Variants in KCNG3 observed in about 807,000 individuals in gnomAD.
KCNG3 encodes the protein potassium voltage-gated channel modifier subfamily G member 3.
KCNG3 carries 15 observed loss-of-function variants against 29.0 expected under a neutral mutation model. The observed-to-expected ratio is 0.52, with a 90% confidence interval of 0.35 to 0.80. KCNG3 has a LOEUF of 0.80. Ranked by LOEUF, KCNG3 falls within the 30% of genes least tolerant of loss-of-function variation. KCNG3 has a pLI of 0.01. For synonymous variants in KCNG3, 322 were observed against 248.9 expected (o/e 1.29, Z -2.76); for missense variants, 512 against 605.7 (o/e 0.85, Z 1.62).
At chr2:42,469,953 T>C in intron 1 of KCNG3, 1 of 388,570 alleles carries the variant, frequency 2.6e-6, no homozygotes, top group Non-Finnish European at 4.7e-6. Context: ...GCCTGACTCC[T>C]TCACAAACCG....
rs138566015 is a variant in KCNG3 at position 42,484,293 on chromosome 2, C to G, written c.665+8544G>C. Among the ~76,000 whole-genome samples the G allele has an allele frequency of 1.7e-3, 259 of 152,168 alleles. 6 individuals are homozygous for G. The East Asian group carries it at 0.039, about 23-fold the overall frequency. The stretch of plus-strand genomic sequence containing the variant: ...CCTGGCCAACATGGTGAAACTCCAT[C>G]TCTATTAAAAATACAAAAATTAGCT... On this transcript the variant is annotated intron_variant, in intron 1 of 1. Coordinates refer to ENST00000306078, the MANE Select transcript of KCNG3 (RefSeq NM_133329.6).
At chr2:42,421,300 C>G in the KCNG3 span, among the ~76,000 whole-genome samples, 2 of 152,160 alleles carry the variant, frequency 1.3e-5, no homozygotes, top group Non-Finnish European at 2.9e-5. Context: ...TCTGGTAAAG[C>G]ATTTATAATT....
At chr2:42,485,547 C>G (rs1673699194) in intron 1 of KCNG3, among the ~76,000 whole-genome samples, 1 of 152,022 alleles carries the variant, frequency 6.6e-6, no homozygotes, top group African/African-American at 2.4e-5. Context: ...TGGGTTCACG[C>G]CATTCTCCCA....
At chr2:42,455,190 A>G (rs1466473060) in intron 1 of KCNG3, among the ~76,000 whole-genome samples, 1 of 152,094 alleles carries the variant, frequency 6.6e-6, no homozygotes, top group Non-Finnish European at 1.5e-5. Context: ...AGATCTCGCT[A>G]TGTTGCTCAG....
intron 1 of KCNG3, among the ~76,000 whole-genome samples, chr2:42,449,939 C>A (rs543387731): frequency 1.3e-5 from 2 of 152,164 alleles, no homozygotes; most frequent in Non-Finnish European, 2.9e-5. Context: ...TAGCCAGACA[C>A]AAGCAAGGGC....
the KCNG3 span, among the ~76,000 whole-genome samples, chr2:42,396,018 C>G: frequency 9.2e-5 from 14 of 152,174 alleles, no homozygotes; most frequent in Non-Finnish European, 1.5e-4. Context: ...GCTTAGCCTA[C>G]TTTAAACATG....
the KCNG3 span, among the ~76,000 whole-genome samples, chr2:42,399,041 C>CT: frequency 2.1e-3 from 301 of 141,086 alleles, 2 homozygotes; most frequent in African/African-American, 7.2e-3. Context: ...TTTTTCTTTT[C>CT]TTTTTTTTTC....
chr2:42,447,618 C>G (rs555282668), intron 1 of KCNG3, among the ~76,000 whole-genome samples: 3 of 152,010 alleles, frequency 2.0e-5, no homozygotes, highest in Non-Finnish European at 2.9e-5. Flanking sequence ...CAGGCTCAAG[C>G]GATCCTCCCA....
At chr2:42,400,763 T>C in the KCNG3 span, among the ~76,000 whole-genome samples, 1 of 152,084 alleles carries the variant, frequency 6.6e-6, no homozygotes, top group Non-Finnish European at 1.5e-5. Flanking sequence ...CAAAAAAAGA[T>C]TATCCCACTG....
chr2:42,486,581 G>A (rs1171286449), intron 1 of KCNG3, among the ~76,000 whole-genome samples: 1 of 152,196 alleles, frequency 6.6e-6, no homozygotes, highest in Non-Finnish European at 1.5e-5. Flanking sequence ...CAAAACTATA[G>A]CCCACATGGG....
the KCNG3 span, among the ~76,000 whole-genome samples, chr2:42,427,762 T>C: frequency 6.6e-6 from 1 of 152,340 alleles, no homozygotes; most frequent in East Asian, 1.9e-4. Context: ...TCATAATATA[T>C]TTTAAAAATC....
At position 42,444,315 on chromosome 2, in the gene KCNG3, C is replaced by T. The variant is rs1351921717; in HGVS notation, c.930G>A (p.Gln310=). The T allele has an allele frequency of 1.2e-6, 2 of 1,614,206 alleles. No homozygotes were observed. Among genetic ancestry groups the T allele is most frequent in the Non-Finnish European group, 8.5e-7 (1 of 1,180,030 alleles). Residue 310 remains glutamine, a synonymous_variant, in exon 2 of 2, where the codon CAG becomes CAA. Coordinates refer to ENST00000306078, the MANE Select transcript of KCNG3 (RefSeq NM_133329.6). The surrounding 1 kb of genome is among the most constrained non-coding windows in gnomAD (Gnocchi z 5.8). ...IKLARHFIGL[Q]TLGLTLKRCY... is the part of the protein sequence containing the mutation. ...AACGTTTGAGAGTCAAACCGAGTGT[C>T]TGAAGACCAATGAAGTGACGGGCAA...
intron 1 of KCNG3, among the ~76,000 whole-genome samples, chr2:42,445,368 T>G (rs1185283228): frequency 6.6e-6 from 1 of 152,178 alleles, no homozygotes; most frequent in Non-Finnish European, 1.5e-5. Context: ...TTACAGTCAA[T>G]GCAAGATCAT....
In KCNG3 at chr2:42,443,064, A is replaced by AGAG. The variant is rs1672519842; in HGVS notation, c.*867_*869dup. 1 of 152,180 alleles carries AGAG rather than the reference A, an allele frequency of 6.6e-6. No homozygotes were observed. Among genetic ancestry groups the AGAG allele is most frequent in the Non-Finnish European group, 1.5e-5 (1 of 68,018 alleles). The allele number at this position is 152,180 out of a possible 1,614,324, so 9.4% of individuals were successfully genotyped here. On this transcript the variant is annotated 3_prime_UTR_variant, in exon 2 of 2. Coordinates refer to ENST00000306078, the MANE Select transcript of KCNG3 (RefSeq NM_133329.6). ...CTCTAGTGTTTGGGGGAGGAGGTTA[A>AGAG]GAGAAGAAGAGGTTGTAATATTGAG...
intron 1 of KCNG3, among the ~76,000 whole-genome samples, chr2:42,476,579 C>T (rs1419936757): frequency 1.3e-5 from 2 of 151,916 alleles, no homozygotes; most frequent in African/African-American, 2.4e-5. Context: ...CTCTACCTCC[C>T]GGGTTCAAGA....
chr2:42,477,032 A>T (rs1673443641), intron 1 of KCNG3, among the ~76,000 whole-genome samples: 2 of 145,072 alleles, frequency 1.4e-5, no homozygotes, highest in Non-Finnish European at 3.0e-5. Flanking sequence ...AAAAAATATA[A>T]AAAAAAAAAA....
intron 1 of KCNG3, among the ~76,000 whole-genome samples, chr2:42,452,171 A>G (rs1353474075): frequency 2.7e-5 from 4 of 148,824 alleles, no homozygotes; most frequent in African/African-American, 9.8e-5. Context: ...AGATATTTTG[A>G]TACAGGCATG....
chr2:42,434,260 C>T, the KCNG3 span, among the ~76,000 whole-genome samples: 2 of 151,590 alleles, frequency 1.3e-5, no homozygotes, highest in African/African-American at 4.9e-5. Flanking sequence ...AAAACCAGCC[C>T]GAGCAACACA....
At chr2:42,483,736 A>G (rs2103733294) in intron 1 of KCNG3, among the ~76,000 whole-genome samples, 1 of 152,336 alleles carries the variant, frequency 6.6e-6, no homozygotes, top group Non-Finnish European at 1.5e-5. Flanking sequence ...GTGGAATGCT[A>G]TACAAATATT....
Sources: gnomAD v4.1 joint callset for allele counts (sites outside exome capture counted in the v4.1 genomes callset) on GRCh38, gnomAD v4.1.1 for gene constraint, Gnocchi (gnomAD v3.1) non-coding constraint, MANE v1.5 for transcripts, NCBI Gene and HGNC (gene_info 2026-07-23, HGNC 2026-07-21) for gene names.